RET: variants seen among roughly 807,000 people sequenced by gnomAD.
RET encodes proto-oncogene tyrosine-protein kinase receptor Ret.
A neutral mutation model predicts 118.3 loss-of-function variants in RET; 19 were observed. The ratio of observed to expected loss-of-function variants is 0.16; its 90% confidence interval spans 0.11 to 0.24. RET has a LOEUF of 0.24. Ranked by LOEUF, RET falls within the 10% of genes least tolerant of loss-of-function variation. RET has a pLI of 1.00. For missense variants in RET, 1,219 were observed against 1,502.1 expected (o/e 0.81, Z 3.12); for synonymous variants, 597 against 644.1 (o/e 0.93, Z 1.11).
chr10:43,097,020 A>G (rs557380152), intron 1 of RET, among the ~76,000 whole-genome samples: 22 of 152,304 alleles, frequency 1.4e-4, no homozygotes, highest in African/African-American at 3.6e-4. Flanking sequence ...TCTGCTCGCA[A>G]TCATTGCCTG....
intron 1 of RET, among the ~76,000 whole-genome samples, chr10:43,092,848 C>T (rs562371236): frequency 9.8e-5 from 15 of 152,340 alleles, no homozygotes; most frequent in South Asian, 4.1e-4. Flanking sequence ...GTGCACAGGG[C>T]GCATCCACAC....
chr10:43,077,346 C>G lies in RET; in HGVS notation c.73+15C>G. 3 of 1,505,050 alleles carry G rather than the reference C, an allele frequency of 2.0e-6. No homozygotes were observed. In the East Asian group the frequency reaches 7.9e-5, roughly 40 times the overall value. 93.2% of individuals were successfully genotyped at this position (1,505,050 alleles called of 1,614,324 possible). A position where few individuals can be genotyped will look rare whatever the true frequency, so the allele number is the denominator to read the frequency against. ...GCTAGGCAAAGGTGAGTTCTGCCGG[C>G]CGCCGGCTCCCGCAGGGGCCAGGGC... On this transcript the variant is annotated intron_variant, in intron 1 of 19. Coordinates refer to ENST00000355710, the MANE Select transcript of RET (RefSeq NM_020975.6).
chr10:43,098,040 T>G (rs1827124675), intron 1 of RET, among the ~76,000 whole-genome samples: 1 of 152,260 alleles, frequency 6.6e-6, no homozygotes, highest in Admixed American at 6.5e-5. Context: ...TTTTGCCTAT[T>G]TATCCATCTT....
At position 43,122,125 on chromosome 10, in the gene RET, C is replaced by T. The variant is rs1429831899; in HGVS notation, c.2801+109C>T. 4 of 853,356 alleles carry T rather than the reference C, an allele frequency of 4.7e-6. No homozygotes were observed. The Admixed American group carries it at 6.8e-5, about 15-fold the overall frequency. 52.9% of individuals were successfully genotyped at this position (853,356 alleles called of 1,614,324 possible). A position where few individuals can be genotyped will look rare whatever the true frequency, so the allele number is the denominator to read the frequency against. Reference sequence around the variant, plus strand: ...AGCTTGGCCAGGGAATTGCACTGGCCCTGAGCACCTGTCTGCAGTGCTAGC... The same window carrying T: ...AGCTTGGCCAGGGAATTGCACTGGCTCTGAGCACCTGTCTGCAGTGCTAGC... On this transcript the variant is annotated intron_variant, in intron 16 of 19. Transcript: ENST00000355710.
chr10:43,102,672 T>A, intron 3 of RET, 43 bp downstream of exon 3: 1 of 1,610,604 alleles, frequency 6.2e-7, no homozygotes, highest in Non-Finnish European at 8.5e-7. Flanking sequence ...TGCCTGCTAC[T>A]GCTGGTCTTG....
Position 43,100,574 on chromosome 10 carries a change from G to T in RET, c.189G>T (p.Val63=), listed in dbSNP as rs773428442. The T allele has an allele frequency of 9.3e-6, 15 of 1,613,892 alleles. No individual in the cohort carries two copies. The highest frequency in any genetic ancestry group is 1.3e-5 in the Non-Finnish European group (15 of 1,180,026). Residue 63 remains valine, a synonymous_variant, in exon 2 of 20, where the codon GTG becomes GTT. Transcript: ENST00000355710. ...CCCTGCGGGACGCCCCTGAGGAGGT[G>T]CCCAGCTTCCGCCTGGGCCAGCATC... ...VHALRDAPEE[V]PSFRLGQHLY... is the part of the protein sequence containing the mutation.
chr10:43,107,364 A>G (rs138136546), intron 5 of RET, among the ~76,000 whole-genome samples: 10 of 152,228 alleles, frequency 6.6e-5, no homozygotes, highest in African/African-American at 2.2e-4. Flanking sequence ...TTTCCACCAC[A>G]TGAGATCCAC....
At chr10:43,084,809 C>G in intron 1 of RET, among the ~76,000 whole-genome samples, 1 of 152,108 alleles carries the variant, frequency 6.6e-6, no homozygotes, top group East Asian at 1.9e-4. Context: ...ACTGCTTGTG[C>G]ATAAGAAGGG....
At chr10:43,120,044 G>A (rs766891010) in intron 14 of RET, 37 bp from the exon 15 acceptor site, 4 of 1,611,180 alleles carry the variant, frequency 2.5e-6, no homozygotes, top group Non-Finnish European at 3.4e-6. Flanking sequence ...CTGCTGCCTG[G>A]CCATGGCCTG....
rs1837715451 is a variant in RET at position 43,104,607 on chromosome 10, G to A, written c.626-345G>A. 5 of 451,166 alleles carry A rather than the reference G, an allele frequency of 1.1e-5. No individual in the cohort carries two copies. In the South Asian group the frequency reaches 1.2e-4, roughly 11 times the overall value. The allele number at this position is 451,166 out of a possible 1,614,324, so 27.9% of individuals were successfully genotyped here. ...GGCAAAGCCACCCTTCCCCACACAA[G>A]GCCACTCCTGATCAAGGCCAGGTGG... On this transcript the variant is annotated intron_variant, in intron 3 of 19. Coordinates refer to ENST00000355710, the MANE Select transcript of RET (RefSeq NM_020975.6).
Position 43,128,283 on chromosome 10 carries a change from A to G in RET, c.*14A>G. 1.2e-6 allele frequency: 2 copies of G among 1,614,072 alleles called. No homozygotes were observed. The highest frequency in any genetic ancestry group is 1.7e-6 in the Non-Finnish European group (2 of 1,179,910). On this transcript the variant is annotated 3_prime_UTR_variant, in exon 20 of 20. Transcript: ENST00000355710. ...TTTGATAGTTAACATTTCTTTGTGA[A>G]AGGTAATGGACTCACAAGGGGAAGA...
Position 43,112,044 on chromosome 10 carries a change from C to A in RET, c.1523-55C>A, listed in dbSNP as rs184983801. Reference sequence around the variant, plus strand: ...GCTGTTCCCTGTCCTTGGGCACTAGCTGGACGCTGGGCCCAGGCCAGCCCC... The same window carrying A: ...GCTGTTCCCTGTCCTTGGGCACTAGATGGACGCTGGGCCCAGGCCAGCCCC... On this transcript the variant is annotated intron_variant, in intron 7 of 19. Coordinates refer to ENST00000355710, the MANE Select transcript of RET (RefSeq NM_020975.6). 21 of 1,561,046 alleles carry A rather than the reference C, an allele frequency of 1.3e-5. No individual in the cohort carries two copies. The African/African-American group carries it at 2.6e-4, about 19-fold the overall frequency.
rs1837766314 is a variant in RET, at chr10:43,106,062, T to G, written c.868-314T>G. Among the ~76,000 whole-genome samples the G allele has an allele frequency of 6.6e-6, 1 of 152,114 alleles. No individual in the cohort carries two copies. Among genetic ancestry groups the G allele is most frequent in the Admixed American group, 6.5e-5 (1 of 15,286 alleles). On this transcript the variant is annotated intron_variant, in intron 4 of 19. Coordinates refer to ENST00000355710, the MANE Select transcript of RET (RefSeq NM_020975.6). This position sits in a 1 kb window ranked among gnomAD's most constrained non-coding sequence, Gnocchi z 5.1. ...CAGGGGAGAGTGGAGGTGCTCATCC[T>G]GCTCTCTGGGGACCTGGATGGGACC...
chr10:43,088,796 C>G (rs1328585172), intron 1 of RET, among the ~76,000 whole-genome samples: 1 of 152,164 alleles, frequency 6.6e-6, no homozygotes, highest in Non-Finnish European at 1.5e-5. Context: ...GCTTGCCCAA[C>G]CTTCTTCTTC....
Position 43,100,742 on chromosome 10 carries a change from A to ACCCACCCCGTGCCCCAC in RET, c.337+29_337+45dup. On this transcript the variant is annotated intron_variant, in intron 2 of 19. Coordinates refer to ENST00000355710, the MANE Select transcript of RET (RefSeq NM_020975.6). Reference sequence around the variant, plus strand: ...TCCGCAGTAAGGGAGCCGCCCCAACACCCACCCCGTGCCCCACCCCACCCC... The same window carrying ACCCACCCCGTGCCCCAC: ...TCCGCAGTAAGGGAGCCGCCCCAACACCCACCCCGTGCCCCACCCCACCCCGTGCCCCACCCCACCCC... 1 of 1,556,642 alleles carries ACCCACCCCGTGCCCCAC rather than the reference A, an allele frequency of 6.4e-7. No homozygotes were observed. The highest frequency in any genetic ancestry group is 1.4e-5 in the African/African-American group (1 of 73,000).
chr10:43,098,785 A>G (rs1191731166), intron 1 of RET, among the ~76,000 whole-genome samples: 1 of 152,178 alleles, frequency 6.6e-6, no homozygotes, highest in African/African-American at 2.4e-5. Context: ...TTGTTCATCC[A>G]TTCATCCATT....
chr10:43,102,737 A>G, intron 3 of RET, 108 bp downstream of exon 3: 1 of 1,368,276 alleles, frequency 7.3e-7, no homozygotes, highest in Non-Finnish European at 1.0e-6. Context: ...TCATGCCATC[A>G]GTTCATTCAA....
At chr10:43,113,741 G>A (rs2132833764) in intron 10 of RET, 66 bp downstream of exon 10, 2 of 1,599,662 alleles carry the variant, frequency 1.3e-6, no homozygotes, top group Non-Finnish European at 1.7e-6. Flanking sequence ...CAGCACATCT[G>A]AGGTCCCAAC....
intron 16 of RET, among the ~76,000 whole-genome samples, chr10:43,122,493 G>C (rs1167342019): frequency 6.6e-6 from 1 of 152,208 alleles, no homozygotes; most frequent in African/African-American, 2.4e-5. Flanking sequence ...ACTGCTCAAA[G>C]GTGGAAGCCA....
Sources: allele counts gnomAD v4.1 joint callset (sites outside exome capture counted in the v4.1 genomes callset), GRCh38; gene constraint gnomAD v4.1.1; non-coding constraint Gnocchi (gnomAD v3.1); transcripts MANE v1.5; gene names NCBI Gene and HGNC (gene_info 2026-07-23, HGNC 2026-07-21).